Variants in GBF1 observed in about 807,000 individuals in gnomAD.
GBF1 encodes the protein Golgi-specific brefeldin A-resistance guanine nucleotide exchange factor 1.
GBF1 carries 114 observed loss-of-function variants against 210.5 expected under a neutral mutation model. That is an observed-to-expected ratio of 0.54 (90% CI 0.47 to 0.63). The LOEUF is 0.63. Among genes scored for constraint, GBF1 ranks in the 30% least tolerant of loss-of-function variants. The pLI is 0.00. For missense variants in GBF1, 1,851 were observed against 2,357.7 expected, an observed-to-expected ratio of 0.79 and a Z score of 4.45; for synonymous variants, 850 against 889.2, an observed-to-expected ratio of 0.96 and a Z score of 0.78.
At chr10:102,306,694 G>T (rs1216035821) in intron 3 of GBF1, among the ~76,000 whole-genome samples, 1 of 152,228 alleles carries the variant, frequency 6.6e-6, no homozygotes. Flanking sequence ...AAAGTGCTGG[G>T]ATTACAGGCG....
intron 3 of GBF1, among the ~76,000 whole-genome samples, chr10:102,325,044 C>G (rs558091393): frequency 2.0e-5 from 3 of 152,338 alleles, no homozygotes; most frequent in African/African-American, 7.2e-5. Context: ...ATTTTCTTCT[C>G]CAGTCTTTAC....
At chr10:102,267,394 A>C (rs140311292) in intron 3 of GBF1, among the ~76,000 whole-genome samples, 5 of 152,266 alleles carry the variant, frequency 3.3e-5, no homozygotes, top group African/African-American at 1.2e-4. Context: ...AGTCCCAGCT[A>C]CTCAGGAGGC....
chr10:102,356,773 A>G, intron 8 of GBF1, among the ~76,000 whole-genome samples: 1 of 151,990 alleles, frequency 6.6e-6, no homozygotes, highest in Non-Finnish European at 1.5e-5. Context: ...TCTCAAAAAA[A>G]AAAAAAAAAA....
At chr10:102,360,999 G>A (rs764582909) in intron 12 of GBF1, 23 bp from the exon 13 acceptor site, 1 of 1,166,998 alleles carries the variant, frequency 8.6e-7, no homozygotes, top group African/African-American at 1.5e-5. Flanking sequence ...AAAACTCATG[G>A]CCTACCCTGC....
At position 102,367,130 on chromosome 10, in the gene GBF1, C is replaced by T. The variant is rs2059959437; in HGVS notation, c.2479C>T (p.Leu827=). 2 of 1,614,034 alleles carry T rather than the reference C, an allele frequency of 1.2e-6. No individual in the cohort carries two copies. Among genetic ancestry groups the T allele is most frequent in the Non-Finnish European group, 8.5e-7 (1 of 1,179,900 alleles). Residue 827 remains leucine, a synonymous_variant, in exon 20 of 40, where the codon CTG becomes TTG. Transcript: ENST00000369983. The part of the protein sequence containing the change: ...PFANSDACFS[L]AYAVIMLNTD... The stretch of plus-strand genomic sequence containing the variant: ...TGCCAATAGCGATGCCTGCTTTTCC[C>T]TGGCCTATGCTGTCATCATGCTTAA...
intron 10 of GBF1, 30 bp from the exon 11 acceptor site, chr10:102,359,237 C>G: frequency 6.4e-7 from 1 of 1,558,556 alleles, no homozygotes; most frequent in Non-Finnish European, 8.9e-7. Context: ...CCTCATCCCT[C>G]TTCCCATATC....
At chr10:102,231,728 T>G in the GBF1 span, 23 of 1,610,704 alleles carry the variant, frequency 1.4e-5, no homozygotes, top group African/African-American at 5.3e-5. Flanking sequence ...CGCCGCTGCT[T>G]CTTTTTCAGC....
rs959073940 is a variant in GBF1, at chr10:102,368,440, C to T, written c.2865C>T (p.Ala955=). The T allele has an allele frequency of 2.2e-5, 35 of 1,603,048 alleles. No individual in the cohort carries two copies. Among genetic ancestry groups the T allele is most frequent in the Non-Finnish European group, 2.4e-5 (28 of 1,170,154 alleles). ...KSLEETIIQK[A]ISGFRKCAMI... ...TTGAGGAGACAATCATCCAGAAAGC[C>T]ATCTCAGGCTTCAGGTAGCCCAGCT... The change falls in exon 22 of 40, where the codon GCC becomes GCT. Residue 955 remains alanine (A), a synonymous_variant. Coordinates refer to ENST00000369983, the MANE Select transcript of GBF1 (RefSeq NM_001377137.1).
chr10:102,323,239 G>GAAAAAAAAAA (rs775888621), intron 3 of GBF1, among the ~76,000 whole-genome samples: 4 of 65,796 alleles, frequency 6.1e-5, no homozygotes, highest in Non-Finnish European at 1.1e-4. Flanking sequence ...CTCCAAAATT[G>GAAAAAAAAAA]AAAAAAAAAA....
At chr10:102,247,735 T>C (rs550291178) in intron 1 of GBF1, among the ~76,000 whole-genome samples, 2 of 152,188 alleles carry the variant, frequency 1.3e-5, no homozygotes, top group Admixed American at 1.3e-4. Context: ...AATCAGAAAA[T>C]TCATCCTTCA....
At chr10:102,364,087 G>T (rs1261808424) in intron 17 of GBF1, among the ~76,000 whole-genome samples, 1 of 152,066 alleles carries the variant, frequency 6.6e-6, no homozygotes, top group African/African-American at 2.4e-5. Context: ...GTGTCTTGTG[G>T]GTCATTGAAG....
Position 102,380,636 on chromosome 10 carries a change from G to A in GBF1, c.5123G>A (p.Cys1708Tyr). The change falls in exon 38 of 40, where the codon TGT (cysteine) becomes TAT (tyrosine). Residue 1708 changes from cysteine to tyrosine, a missense_variant. Around this residue, in one of 3 missense-constraint regions of GBF1, gnomAD observed 967 missense variants for 1,247.7 expected, o/e 0.78. Coordinates refer to ENST00000369983, the MANE Select transcript of GBF1 (RefSeq NM_001377137.1). ...GAGATCACCTGGGAACGCATTGACT[G>A]TTTTCTCCCTCACCTACGAGATGAA... ...LWEITWERID[C>Y]FLPHLRDELF... 1 of 1,614,106 alleles carries A rather than the reference G, an allele frequency of 6.2e-7. No individual in the cohort carries two copies. The highest frequency in any genetic ancestry group is 8.5e-7 in the Non-Finnish European group (1 of 1,179,996).
intron 18 of GBF1, 26 bp downstream of exon 18, chr10:102,365,625 A>G (rs1161778018): frequency 1.9e-6 from 3 of 1,595,578 alleles, no homozygotes; most frequent in Non-Finnish European, 2.6e-6. Flanking sequence ...GAAATGTGGG[A>G]TATAGCCAGG....
intron 3 of GBF1, among the ~76,000 whole-genome samples, chr10:102,283,774 A>G (rs2075714382): frequency 6.6e-6 from 1 of 152,210 alleles, no homozygotes; most frequent in Admixed American, 6.5e-5. Flanking sequence ...AGGATCTCTT[A>G]TTCAGAATGC....
chr10:102,376,892 C>G (rs542385728), intron 32 of GBF1, 43 bp from the exon 33 acceptor site: 8 of 1,609,250 alleles, frequency 5.0e-6, no homozygotes, highest in Non-Finnish European at 6.8e-6. Flanking sequence ...GTATCTATGC[C>G]TATATAGACA....
intron 17 of GBF1, among the ~76,000 whole-genome samples, chr10:102,364,003 A>G (rs2059761659): frequency 6.6e-6 from 1 of 152,062 alleles, no homozygotes; most frequent in Non-Finnish European, 1.5e-5. Context: ...TACCCTATGT[A>G]TGCCCCTGCG....
intron 3 of GBF1, among the ~76,000 whole-genome samples, chr10:102,304,233 A>G (rs1055919077): frequency 3.3e-5 from 5 of 152,204 alleles, no homozygotes; most frequent in African/African-American, 1.2e-4. Context: ...GAAAGGGGAT[A>G]TGGACCGTTC....
In GBF1 at chr10:102,367,114, C is replaced by T. The variant is rs762899059; in HGVS notation, c.2463C>T (p.Ser821=). The T allele has an allele frequency of 9.3e-6, 15 of 1,613,894 alleles. No individual in the cohort carries two copies. The highest frequency in any genetic ancestry group is 1.6e-4 in the Middle Eastern group (1 of 6,084). Residue 821 remains serine, a synonymous_variant, in exon 20 of 40, where the codon AGC becomes AGT. Transcript: ENST00000369983. ...MNCNGSPFAN[S]DACFSLAYAV... ...GTAATGGCTCCCCATTTGCCAATAG[C>T]GATGCCTGCTTTTCCCTGGCCTATG...
chr10:102,333,070 A>G (rs759186886), intron 3 of GBF1, among the ~76,000 whole-genome samples: 2 of 152,236 alleles, frequency 1.3e-5, no homozygotes, highest in Non-Finnish European at 2.9e-5. Flanking sequence ...ATCTAGTTAA[A>G]TTACTATCAC....
Sources: gnomAD v4.1 joint callset for allele counts (sites outside exome capture counted in the v4.1 genomes callset) on GRCh38, gnomAD v4.1.1 for gene constraint, gnomAD v4.1.1 regional missense constraint, MANE v1.5 for transcripts, NCBI Gene and HGNC (gene_info 2026-07-23, HGNC 2026-07-21) for gene names.